Variants in DLGAP2 observed in about 807,000 individuals in gnomAD.
The protein encoded by DLGAP2 is disks large-associated protein 2.
A neutral mutation model predicts 100.3 loss-of-function variants in DLGAP2; 26 were observed. The observed-to-expected ratio is 0.26, with a 90% CI of 0.19 to 0.36. The LOEUF (loss-of-function observed/expected upper bound fraction) is 0.36, where lower values mean the gene tolerates loss of function less well. Ranked by LOEUF, DLGAP2 falls within the 10% of genes least tolerant of loss-of-function variation. The probability of loss-of-function intolerance (pLI) is 1.00; values close to 1 mark genes in which losing one functional copy is unlikely to be tolerated. For missense variants in DLGAP2, 1,858 were observed against 1,453.2 expected (o/e 1.28, Z -4.53); for synonymous variants, 886 against 630.1 (o/e 1.41, Z -6.08).
chr8:846,105 A>G (rs978864000), intron 1 of DLGAP2, among the ~76,000 whole-genome samples: 4 of 152,228 alleles, frequency 2.6e-5, no homozygotes, highest in Non-Finnish European at 4.4e-5. Context: ...TAGCACATCT[A>G]TTACCTCAAA....
chr8:1,031,808 G>A (rs981035572), intron 2 of DLGAP2, among the ~76,000 whole-genome samples: 1 of 152,214 alleles, frequency 6.6e-6, no homozygotes, highest in South Asian at 2.1e-4. Context: ...AAATCATTAT[G>A]ATTCTTAGAA....
chr8:854,334 C>T (rs1361206211), intron 1 of DLGAP2, among the ~76,000 whole-genome samples: 3 of 152,122 alleles, frequency 2.0e-5, no homozygotes, highest in Admixed American at 6.5e-5. Flanking sequence ...TATCCTTATC[C>T]TTTTATTCAG....
At chr8:1,536,564 G>T (rs1173045830) in intron 4 of DLGAP2, among the ~76,000 whole-genome samples, 1 of 152,126 alleles carries the variant, frequency 6.6e-6, no homozygotes, top group Non-Finnish European at 1.5e-5. Flanking sequence ...GATGGACTTT[G>T]TGCTTCTGCG....
chr8:957,003 G>T (rs1026371235), intron 2 of DLGAP2, among the ~76,000 whole-genome samples: 4 of 152,096 alleles, frequency 2.6e-5, no homozygotes, highest in African/African-American at 9.7e-5. Context: ...CACACATCAG[G>T]GTCTAAGAAA....
intron 3 of DLGAP2, among the ~76,000 whole-genome samples, chr8:1,287,441 T>TTC (rs1799952072): frequency 1.3e-5 from 1 of 78,660 alleles, no homozygotes. Flanking sequence ...GTGTGTGTGG[T>TTC]TGTTAGGAGG....
chr8:1,676,921 G>A (rs1009667257), intron 11 of DLGAP2, among the ~76,000 whole-genome samples: 4 of 152,232 alleles, frequency 2.6e-5, no homozygotes, highest in African/African-American at 9.6e-5. Context: ...GGCTGAGGGT[G>A]ACGCCAATGC....
intron 8 of DLGAP2, among the ~76,000 whole-genome samples, chr8:1,650,668 G>A (rs1798140983): frequency 6.6e-6 from 1 of 152,234 alleles, no homozygotes; most frequent in African/African-American, 2.4e-5. Flanking sequence ...CAGAAGCTTG[G>A]GTGACAGTTG....
chr8:1,057,270 G>T (rs973883073), intron 2 of DLGAP2, among the ~76,000 whole-genome samples: 6 of 152,166 alleles, frequency 3.9e-5, no homozygotes, highest in Non-Finnish European at 8.8e-5. Flanking sequence ...TTTAGCACAG[G>T]TAAATTTAAT....
At chr8:1,175,100 T>G (rs1054280071) in intron 2 of DLGAP2, among the ~76,000 whole-genome samples, 1 of 152,130 alleles carries the variant, frequency 6.6e-6, no homozygotes, top group East Asian at 1.9e-4. Flanking sequence ...CTTCCCACAC[T>G]TTTTTGCTAC....
At chr8:762,488 T>C (rs1466416677) in intron 1 of DLGAP2, among the ~76,000 whole-genome samples, 1 of 152,116 alleles carries the variant, frequency 6.6e-6, no homozygotes, top group African/African-American at 2.4e-5. Flanking sequence ...AAAGTAACAG[T>C]GTCAAATTTG....
chr8:1,370,603 C>G (rs1312538771), intron 3 of DLGAP2, among the ~76,000 whole-genome samples: 1 of 152,154 alleles, frequency 6.6e-6, no homozygotes, highest in African/African-American at 2.4e-5. Flanking sequence ...CTTTTATCAC[C>G]CTCTGGTTGC....
chr8:1,096,391 C>T (rs2129042570), intron 2 of DLGAP2, among the ~76,000 whole-genome samples: 1 of 152,372 alleles, frequency 6.6e-6, no homozygotes, highest in South Asian at 2.1e-4. Context: ...CTTTAGGGAC[C>T]AGTGTGTTAG....
chr8:1,305,970 G>C (rs141572630), intron 3 of DLGAP2, among the ~76,000 whole-genome samples: 2,655 of 150,800 alleles, frequency 0.018, 27 homozygotes, highest in South Asian at 0.032. Context: ...ACTAATTTTT[G>C]CATGTAATTT....
intron 12 of DLGAP2, 79 bp from the exon 13 acceptor site, chr8:1,691,456 G>T: frequency 8.2e-7 from 1 of 1,225,922 alleles, no homozygotes; most frequent in South Asian, 1.3e-5. Flanking sequence ...TCGCTCCCTT[G>T]GTGTGATGTT....
chr8:1,678,826 T>A, intron 12 of DLGAP2, 197 bp downstream of exon 12: 1 of 573,278 alleles, frequency 1.7e-6, no homozygotes, highest in South Asian at 5.1e-5. Flanking sequence ...CACTACGATA[T>A]CGAAGGAAAA....
chr8:1,326,743 T>C (rs543927616), intron 3 of DLGAP2, among the ~76,000 whole-genome samples: 1 of 152,352 alleles, frequency 6.6e-6, no homozygotes, highest in South Asian at 2.1e-4. Flanking sequence ...AGTTTCTTCT[T>C]CCTGTTTTTC....
intron 3 of DLGAP2, among the ~76,000 whole-genome samples, chr8:1,456,122 G>C (rs554136008): frequency 6.6e-6 from 1 of 152,262 alleles, no homozygotes; most frequent in South Asian, 2.1e-4. Flanking sequence ...CCCATGTCGC[G>C]TTGAACTCAG....
At chr8:1,651,291 C>T (rs534535253) in intron 8 of DLGAP2, among the ~76,000 whole-genome samples, 4 of 152,300 alleles carry the variant, frequency 2.6e-5, no homozygotes, top group East Asian at 3.9e-4. Flanking sequence ...CCCTTCTTCA[C>T]AGGGTGCCCT....
intron 14 of DLGAP2, among the ~76,000 whole-genome samples, chr8:1,699,469 C>A (rs1244198988): frequency 6.6e-6 from 1 of 151,324 alleles, no homozygotes; most frequent in South Asian, 2.1e-4. Context: ...AAAAAATTAG[C>A]CAGGCGTGGT....
Sources: gnomAD v4.1 joint callset for allele counts (sites outside exome capture counted in the v4.1 genomes callset) on GRCh38, gnomAD v4.1.1 for gene constraint, MANE v1.5 for transcripts, NCBI Gene and HGNC (gene_info 2026-07-23, HGNC 2026-07-21) for gene names.